RBMS2: variants seen among roughly 807,000 people sequenced by gnomAD.
RBMS2 encodes RNA binding motif single stranded interacting protein 2.
Under a neutral mutation model 58.4 loss-of-function variants are expected in RBMS2, and 38 were observed. The ratio of observed to expected loss-of-function variants is 0.65; its 90% confidence interval spans 0.50 to 0.85. The LOEUF is 0.85. Ranked by LOEUF, RBMS2 falls within the 40% of genes least tolerant of loss-of-function variation. The pLI is 0.00. For synonymous variants in RBMS2, 151 were observed against 180.7 expected, an observed-to-expected ratio of 0.84 and a Z score of 1.32; for missense variants, 367 against 503.7, an observed-to-expected ratio of 0.73 and a Z score of 2.60.
chr12:56,555,186 T>G (rs182100060), intron 1 of RBMS2, among the ~76,000 whole-genome samples: 1 of 152,230 alleles, frequency 6.6e-6, no homozygotes, highest in African/African-American at 2.4e-5. Flanking sequence ...AAAGTTACTT[T>G]TGTTTAAATT....
At chr12:56,530,486 G>A (rs1403051918) in intron 1 of RBMS2, among the ~76,000 whole-genome samples, 1 of 147,258 alleles carries the variant, frequency 6.8e-6, no homozygotes, top group East Asian at 2.1e-4. Flanking sequence ...TTGGCCTCCC[G>A]AGTAGCTGGG....
intron 1 of RBMS2, among the ~76,000 whole-genome samples, chr12:56,550,360 G>T (rs541558954): frequency 1.3e-5 from 2 of 152,062 alleles, no homozygotes; most frequent in South Asian, 4.2e-4. Flanking sequence ...GTGAAACCCT[G>T]TCTCTACAAA....
chr12:56,536,847 A>G (rs373728538), intron 1 of RBMS2, among the ~76,000 whole-genome samples: 5 of 151,564 alleles, frequency 3.3e-5, no homozygotes, highest in Admixed American at 6.6e-5. Flanking sequence ...GTTTACAGGC[A>G]TGAGCCACTG....
At chr12:56,586,731 A>T in intron 9 of RBMS2, 118 bp from the exon 10 acceptor site, 1 of 798,456 alleles carries the variant, frequency 1.3e-6, no homozygotes. Context: ...AGTTTTTCTT[A>T]ATGTTTCTAT....
At position 56,591,044 on chromosome 12, in the gene RBMS2, G is replaced by A. The variant is rs574789340; in HGVS notation, c.*1911G>A. 6.6e-6 allele frequency: 1 copy of A among 152,322 alleles called. No individual in the cohort carries two copies. The highest frequency in any genetic ancestry group is 1.5e-5 in the Non-Finnish European group (1 of 68,040). 9.4% of individuals were successfully genotyped at this position (152,322 alleles called of 1,614,324 possible). On this transcript the variant is annotated 3_prime_UTR_variant, in exon 14 of 14. Coordinates refer to ENST00000262031, the MANE Select transcript of RBMS2 (RefSeq NM_002898.4). ...GACTCTATACACATGGAGACAGATT[G>A]AAGAAAGACTTCACCCATCTTCTAG... is the stretch of plus-strand genomic sequence containing the variant.
At chr12:56,537,081 T>C (rs1373585224) in intron 1 of RBMS2, among the ~76,000 whole-genome samples, 1 of 151,948 alleles carries the variant, frequency 6.6e-6, no homozygotes, top group Non-Finnish European at 1.5e-5. Context: ...CCATCACACC[T>C]GGCTAATTTT....
At chr12:56,527,872 T>C (rs867278937) in intron 1 of RBMS2, 3 of 151,790 alleles carry the variant, frequency 2.0e-5, no homozygotes, top group Non-Finnish European at 4.4e-5. Flanking sequence ...TAGGAGAATA[T>C]GCAATATGCA....
At chr12:56,584,741 C>T (rs995388343) in intron 9 of RBMS2, among the ~76,000 whole-genome samples, 3 of 151,536 alleles carry the variant, frequency 2.0e-5, no homozygotes, top group African/African-American at 4.9e-5. Flanking sequence ...GCCGAGATCG[C>T]GCCACTGCAC....
At chr12:56,573,402 G>C (rs1882623775) in intron 5 of RBMS2, among the ~76,000 whole-genome samples, 1 of 148,088 alleles carries the variant, frequency 6.8e-6, no homozygotes, top group Non-Finnish European at 1.5e-5. Context: ...ACTTGAACCC[G>C]GGAGGCGGAG....
In RBMS2 at chr12:56,563,879, T is replaced by C. The variant is rs145397991; in HGVS notation, c.233+1296T>C. Among the ~76,000 whole-genome samples, 178 of 152,292 alleles carry C rather than the reference T, an allele frequency of 1.2e-3. 1 individual carries two copies. Among genetic ancestry groups the C allele is most frequent in the Non-Finnish European group, 1.9e-3 (131 of 68,020 alleles). On this transcript the variant is annotated intron_variant, in intron 2 of 13. Transcript: ENST00000262031. The stretch of plus-strand genomic sequence containing the variant: ...GTAAGTGGAATTAAGGGGACTGTCT[T>C]GGACTAGTAATTTTTGAGAGGTGGG...
intron 1 of RBMS2, among the ~76,000 whole-genome samples, chr12:56,551,619 A>G (rs1878285704): frequency 6.7e-6 from 1 of 149,428 alleles, no homozygotes; most frequent in Admixed American, 6.8e-5. Context: ...GGTGGTTTGG[A>G]GGTGTAGGAG....
chr12:56,588,859 T>G, intron 12 of RBMS2, 73 bp from the exon 13 acceptor site: 2 of 1,472,674 alleles, frequency 1.4e-6, no homozygotes, highest in Non-Finnish European at 1.9e-6. Context: ...TAGGGTGGGC[T>G]TTGGTCAGGC....
At chr12:56,536,193 T>C in intron 1 of RBMS2, among the ~76,000 whole-genome samples, 1 of 96,320 alleles carries the variant, frequency 1.0e-5, no homozygotes, top group Non-Finnish European at 1.9e-5. Flanking sequence ...AGAGTGAAAC[T>C]CTGTCTCAAA....
chr12:56,537,566 T>C (rs1875146779), intron 1 of RBMS2, among the ~76,000 whole-genome samples: 1 of 152,242 alleles, frequency 6.6e-6, no homozygotes, highest in South Asian at 2.1e-4. Context: ...GTACAACATA[T>C]AGCACATATT....
intron 1 of RBMS2, among the ~76,000 whole-genome samples, chr12:56,550,734 T>G (rs1204714139): frequency 6.6e-6 from 1 of 150,824 alleles, no homozygotes; most frequent in African/African-American, 2.4e-5. Flanking sequence ...CCCAGCTACT[T>G]AGGAGGCTGA....
intron 1 of RBMS2, among the ~76,000 whole-genome samples, chr12:56,559,639 C>T (rs1301150165): frequency 6.7e-6 from 1 of 149,716 alleles, no homozygotes; most frequent in Non-Finnish European, 1.5e-5. Flanking sequence ...ATCACGAGGT[C>T]AGGAGATCGA....
chr12:56,582,012 C>A (rs1485046040), intron 8 of RBMS2, 47 bp from the exon 9 acceptor site: 1 of 1,567,840 alleles, frequency 6.4e-7, no homozygotes, highest in Admixed American at 1.7e-5. Flanking sequence ...GGACCCTTCC[C>A]TTGTGGTTTC....
chr12:56,585,114 C>T (rs916656295), intron 9 of RBMS2, among the ~76,000 whole-genome samples: 4 of 152,148 alleles, frequency 2.6e-5, no homozygotes, highest in Admixed American at 6.5e-5. Flanking sequence ...TGAGCCACTG[C>T]GCCCGGCTAA....
At chr12:56,587,268 A>G (rs1211285639) in intron 10 of RBMS2, among the ~76,000 whole-genome samples, 1 of 141,164 alleles carries the variant, frequency 7.1e-6, no homozygotes, top group African/African-American at 2.7e-5. Context: ...ACTCCGTCTC[A>G]AAAAAAAAAA....
Sources: allele counts gnomAD v4.1 joint callset (sites outside exome capture counted in the v4.1 genomes callset), GRCh38; gene constraint gnomAD v4.1.1; transcripts MANE v1.5; gene names NCBI Gene and HGNC (gene_info 2026-07-23, HGNC 2026-07-21).